The following USP34 variants were observed in gnomAD, a reference collection of about 807,000 sequenced individuals.
USP34 encodes the protein ubiquitin carboxyl-terminal hydrolase 34.
A neutral mutation model predicts 460.3 loss-of-function variants in USP34; 70 were observed. The observed-to-expected ratio is 0.15, with a 90% confidence interval of 0.13 to 0.19. USP34 has a LOEUF of 0.19. Ranked by LOEUF, USP34 falls within the 10% of genes least tolerant of loss-of-function variation. USP34 has a pLI of 1.00. For synonymous variants in USP34, 1,647 were observed against 1,405.3 expected, an observed-to-expected ratio of 1.17 and a Z score of -3.85; for missense variants, 3,985 against 4,236.2, an observed-to-expected ratio of 0.94 and a Z score of 1.65.
At chr2:61,373,501 T>C (rs1257063359) in intron 8 of USP34, among the ~76,000 whole-genome samples, 2 of 151,118 alleles carry the variant, frequency 1.3e-5, no homozygotes, top group Non-Finnish European at 2.9e-5. Context: ...TCAGTGGTTA[T>C]ACCAATAACA....
chr2:61,354,287 A>G (rs1203694384), intron 10 of USP34, among the ~76,000 whole-genome samples: 1 of 152,240 alleles, frequency 6.6e-6, no homozygotes, highest in Non-Finnish European at 1.5e-5. Context: ...GATCCTCGAT[A>G]AGATTATCAG....
chr2:61,466,021 T>A (rs1410428360), intron 1 of USP34, among the ~76,000 whole-genome samples: 1 of 151,584 alleles, frequency 6.6e-6, no homozygotes, highest in Non-Finnish European at 1.5e-5. Context: ...CAAAATTTGC[T>A]GGGAATGGTA....
At chr2:61,192,815 A>T in intron 76 of USP34, 86 bp downstream of exon 76, 1 of 1,083,766 alleles carries the variant, frequency 9.2e-7, no homozygotes. Context: ...ACTTTTCAGC[A>T]AGTCTTCAAC....
At chr2:61,417,202 T>TG (rs1193234266) in intron 2 of USP34, 2 of 1,552,976 alleles carry the variant, frequency 1.3e-6, no homozygotes, top group Non-Finnish European at 1.8e-6. Context: ...GACCCTACAC[T>TG]GGGGTAGTGC....
chr2:61,321,012 AAAAC>A (rs1049782183), intron 21 of USP34, among the ~76,000 whole-genome samples: 5 of 151,820 alleles, frequency 3.3e-5, no homozygotes, highest in East Asian at 1.9e-4. Context: ...CTCCGTGTCA[AAAAC>A]AAACAAAAAA....
intron 48 of USP34, 65 bp from the exon 49 acceptor site, chr2:61,248,748 T>C (rs1302686067): frequency 2.8e-6 from 4 of 1,415,564 alleles, no homozygotes; most frequent in Non-Finnish European, 3.8e-6. Context: ...GTTTGATTTC[T>C]GTTATGCTAT....
intron 53 of USP34, among the ~76,000 whole-genome samples, chr2:61,240,579 A>ATTT (rs1248937317): frequency 1.5e-5 from 2 of 131,900 alleles, no homozygotes; most frequent in Non-Finnish European, 3.3e-5. Flanking sequence ...CGCCCAGCCC[A>ATTT]TTTTTTTTTT....
intron 33 of USP34, among the ~76,000 whole-genome samples, chr2:61,291,831 A>C (rs1558512807): frequency 6.6e-6 from 1 of 152,230 alleles, no homozygotes; most frequent in Admixed American, 6.5e-5. Context: ...CAGTGTAGAA[A>C]TAACCCAAAT....
At chr2:61,281,029 T>A in intron 38 of USP34, 61 bp downstream of exon 38, 1 of 1,545,936 alleles carries the variant, frequency 6.5e-7, no homozygotes, top group Non-Finnish European at 8.8e-7. Flanking sequence ...ATTACAACGG[T>A]AAACTGAGGC....
chr2:61,451,169 C>T (rs1336654339), intron 1 of USP34, among the ~76,000 whole-genome samples: 2 of 126,270 alleles, frequency 1.6e-5, no homozygotes, highest in African/African-American at 3.1e-5. Flanking sequence ...TGCAGTGAGC[C>T]GAGATCATGC....
chr2:61,387,926 T>TAC (rs1167847890), intron 5 of USP34, among the ~76,000 whole-genome samples: 1 of 113,384 alleles, frequency 8.8e-6, no homozygotes, highest in African/African-American at 4.1e-5. Context: ...AAAATATATT[T>TAC]ATACACACAC....
At chr2:61,213,555 C>G (rs1687325882) in intron 68 of USP34, among the ~76,000 whole-genome samples, 1 of 152,080 alleles carries the variant, frequency 6.6e-6, no homozygotes, top group Admixed American at 6.5e-5. Context: ...AAAAGGGACC[C>G]AATTTAGACT....
intron 48 of USP34, 53 bp downstream of exon 48, chr2:61,256,331 T>C (rs1688724088): frequency 2.0e-6 from 3 of 1,477,190 alleles, no homozygotes; most frequent in Admixed American, 1.8e-5. Flanking sequence ...ACCCTTAGTT[T>C]GTCTTTCACT....
At chr2:61,320,704 A>G (rs754434215) in intron 21 of USP34, among the ~76,000 whole-genome samples, 1 of 152,124 alleles carries the variant, frequency 6.6e-6, no homozygotes, top group African/African-American at 2.4e-5. Context: ...GTCTTTACAA[A>G]AAATTAAAAA....
Position 61,268,438 on chromosome 2 carries a change from TAAAAAAAAAAAAA to T in USP34, c.5434-2284_5434-2272del, listed in dbSNP as rs35618230. Among the ~76,000 whole-genome samples the T allele has an allele frequency of 4.3e-4, 23 of 53,416 alleles. 1 individual carries two copies. The highest frequency in any genetic ancestry group is 1.4e-3 in the African/African-American group (19 of 13,462). The allele number at this position is 53,416 out of a possible 152,430, so 35.0% of individuals were successfully genotyped here. A position where few individuals can be genotyped will look rare whatever the true frequency, so the allele number is the denominator to read the frequency against. On this transcript the variant is annotated intron_variant, in intron 41 of 79. Transcript: ENST00000398571. ...TTTGAGTTCATGCAAGAGCTGTTGT[TAAAAAAAAAAAAA>T]AAAAAAAAAAAAAAAAAGTGTTGCA...
intron 48 of USP34, among the ~76,000 whole-genome samples, chr2:61,251,816 C>T (rs1366812604): frequency 6.6e-6 from 1 of 152,050 alleles, no homozygotes; most frequent in Non-Finnish European, 1.5e-5. Context: ...CTTGATGAAA[C>T]CAGGACTGTT....
chr2:61,453,077 C>A (rs1695332417), intron 1 of USP34, among the ~76,000 whole-genome samples: 1 of 151,886 alleles, frequency 6.6e-6, no homozygotes, highest in Non-Finnish European at 1.5e-5. Context: ...TAAATTAATA[C>A]AACCTTTCTA....
intron 68 of USP34, among the ~76,000 whole-genome samples, chr2:61,213,026 G>A (rs983102410): frequency 6.6e-6 from 1 of 152,058 alleles, no homozygotes; most frequent in African/African-American, 2.4e-5. Context: ...GCATTGTAGG[G>A]ATTCTGATTT....
At chr2:61,325,709 ATTCAACAGTGAAG>A (rs1239484848) in intron 20 of USP34, among the ~76,000 whole-genome samples, 1 of 152,178 alleles carries the variant, frequency 6.6e-6, no homozygotes, top group African/African-American at 2.4e-5. Context: ...GCACACAAAA[ATTCAACAGTGAAG>A]CAGAGGAAGT....
Sources: allele counts gnomAD v4.1 joint callset (sites outside exome capture counted in the v4.1 genomes callset), GRCh38; gene constraint gnomAD v4.1.1; transcripts MANE v1.5; gene names NCBI Gene and HGNC (gene_info 2026-07-23, HGNC 2026-07-21).